Variants in SNX8 observed in about 807,000 individuals in gnomAD.
The protein encoded by SNX8 is sorting nexin 8, also known as sorting nexin-8.
SNX8 carries 25 observed loss-of-function variants against 51.6 expected under a neutral mutation model. That is an observed-to-expected ratio of 0.48 (90% CI 0.35 to 0.68). The LOEUF is 0.68. Ranked by LOEUF, SNX8 falls within the 30% of genes least tolerant of loss-of-function variation. SNX8 has a pLI of 0.00. For synonymous variants in SNX8, 324 were observed against 277.0 expected (o/e 1.17, Z -1.68); for missense variants, 695 against 624.0 (o/e 1.11, Z -1.21).
At chr7:2,290,251 A>C (rs1278491346) in intron 1 of SNX8, among the ~76,000 whole-genome samples, 1 of 152,168 alleles carries the variant, frequency 6.6e-6, no homozygotes, top group Non-Finnish European at 1.5e-5. Flanking sequence ...CTGTAATCCC[A>C]GCACTTTTGG....
intron 1 of SNX8, among the ~76,000 whole-genome samples, chr7:2,283,247 G>C (rs1795949632): frequency 6.6e-6 from 1 of 152,190 alleles, no homozygotes; most frequent in Non-Finnish European, 1.5e-5. Context: ...TGCCAGCCTC[G>C]GCGCAGGTGG....
chr7:2,310,483 C>T (rs1227862376), intron 1 of SNX8, among the ~76,000 whole-genome samples: 4 of 151,830 alleles, frequency 2.6e-5, no homozygotes, highest in African/African-American at 4.8e-5. Context: ...ATTGGCCAGG[C>T]GTGGCTGGGC....
chr7:2,346,475 C>A (rs1171386489), intron 1 of SNX8, among the ~76,000 whole-genome samples: 1 of 150,544 alleles, frequency 6.6e-6, no homozygotes, highest in Non-Finnish European at 1.5e-5. Flanking sequence ...CAGCCAGGCA[C>A]GGTGGCTCAC....
chr7:2,265,011 G>A (rs563222566), intron 5 of SNX8, among the ~76,000 whole-genome samples: 1 of 152,230 alleles, frequency 6.6e-6, no homozygotes, highest in East Asian at 1.9e-4. Flanking sequence ...CTCCAGTTTG[G>A]GCGACAGAAC....
intron 1 of SNX8, among the ~76,000 whole-genome samples, chr7:2,321,713 CTTTTTTT>C: frequency 1.1e-5 from 1 of 88,678 alleles, no homozygotes; most frequent in South Asian, 3.6e-4. Context: ...CGCGCCCGGC[CTTTTTTT>C]TTTTTTTTTT....
intron 1 of SNX8, among the ~76,000 whole-genome samples, chr7:2,339,234 C>G (rs1052314729): frequency 6.6e-5 from 10 of 151,342 alleles, no homozygotes; most frequent in Non-Finnish European, 1.0e-4. Context: ...GAGATGCAGT[C>G]TGGCCCTGTC....
upstream of SNX8, among the ~76,000 whole-genome samples, chr7:2,317,437 C>T (rs1796774967): frequency 1.3e-5 from 2 of 151,228 alleles, no homozygotes; most frequent in African/African-American, 4.8e-5. Flanking sequence ...GCCACCACAC[C>T]CAGCTAATTT....
chr7:2,278,235 C>A lies in SNX8; in HGVS notation c.165G>T (p.Gln55His). ...GCAGCAGCGGGTTCCCCTGCGGCATCTGCATTCGACTGGGGGCTGGGACCT... is the reference window on the plus strand; with the variant it reads ...GCAGCAGCGGGTTCCCCTGCGGCATATGCATTCGACTGGGGGCTGGGACCT... ...VQQVPAPSRM[Q>H]MPQGNPLLLS... The change falls in exon 2 of 11, where the codon CAG becomes CAT. Residue 55 changes from glutamine (Q) to histidine (H), a missense_variant. Transcript: ENST00000222990. The A allele has an allele frequency of 1.2e-6, 2 of 1,611,316 alleles. No individual in the cohort carries two copies. Among genetic ancestry groups the A allele is most frequent in the Non-Finnish European group, 1.7e-6 (2 of 1,178,100 alleles).
At chr7:2,258,847 T>G (rs977516118) in intron 7 of SNX8, among the ~76,000 whole-genome samples, 21 of 151,612 alleles carry the variant, frequency 1.4e-4, no homozygotes, top group African/African-American at 4.8e-4. Context: ...GGGCAGTGAG[T>G]GCACAGCAAA....
intron 1 of SNX8, among the ~76,000 whole-genome samples, chr7:2,302,431 T>C (rs13238764): frequency 0.31 from 46,414 of 151,940 alleles, 8,816 homozygotes; most frequent in East Asian, 0.59. Flanking sequence ...TGGAGTGCAG[T>C]GGTGTGATCT....
At chr7:2,316,645 T>G (rs997557139), upstream of SNX8, among the ~76,000 whole-genome samples, 1 of 151,998 alleles carries the variant, frequency 6.6e-6, no homozygotes, top group African/African-American at 2.4e-5. Context: ...ACTCACTCAC[T>G]GCATCCTGCA....
In SNX8 at chr7:2,314,406, T is replaced by G; in HGVS notation, c.16A>C (p.Met6Leu). 8.2e-7 allele frequency: 1 copy of G among 1,218,312 alleles called. No homozygotes were observed. The highest frequency in any genetic ancestry group is 2.9e-4 in the Middle Eastern group (1 of 3,460). The allele number at this position is 1,218,312 out of a possible 1,614,324, so 75.5% of individuals were successfully genotyped here. MTGRA[M>L]DPLPAAAVGA... ...ACTGCAGCCGCGGGCAGCGGGTCCA[T>G]CGCGCGGCCAGTCATGTGAGCCCGC... The change falls in exon 1 of 11, where the codon ATG becomes CTG. Residue 6 changes from methionine (M) to leucine (L), a missense_variant. Physicochemically the swap from Met to Leu is conservative, Grantham distance 15. Coordinates refer to ENST00000222990, the MANE Select transcript of SNX8 (RefSeq NM_013321.4).
At chr7:2,266,086 TA>T (rs1795456277) in intron 5 of SNX8, among the ~76,000 whole-genome samples, 1 of 152,168 alleles carries the variant, frequency 6.6e-6, no homozygotes. Flanking sequence ...CACTGCACTA[TA>T]GCCTAGAGGA....
At chr7:2,285,659 AC>A (rs1465055902) in intron 1 of SNX8, among the ~76,000 whole-genome samples, 1 of 151,450 alleles carries the variant, frequency 6.6e-6, no homozygotes, top group Non-Finnish European at 1.5e-5. Flanking sequence ...CAGGTCTCAT[AC>A]TTTCTTTTTC....
rs752202797 is a variant in SNX8, at chr7:2,278,074, C to T, written c.300+26G>A. Reference sequence around the variant, plus strand: ...TGACCCTTTCTTCCCCCTCCTGCCCCGACACACACACAATTTGCCAGTTAC... The same window carrying T: ...TGACCCTTTCTTCCCCCTCCTGCCCTGACACACACACAATTTGCCAGTTAC... On this transcript the variant is annotated intron_variant, in intron 2 of 10. Coordinates refer to ENST00000222990, the MANE Select transcript of SNX8 (RefSeq NM_013321.4). 3.7e-6 allele frequency: 6 copies of T among 1,606,952 alleles called. 1 individual carries two copies. In the South Asian group the frequency reaches 4.4e-5, roughly 12 times the overall value.
chr7:2,332,766 GGA>G (rs1778760229), intron 1 of SNX8, among the ~76,000 whole-genome samples: 1 of 146,162 alleles, frequency 6.8e-6, no homozygotes, highest in African/African-American at 2.5e-5. Flanking sequence ...AAGGAAGGAA[GGA>G]AGGAGGGAAG....
chr7:2,310,766 G>A (rs979242847), intron 1 of SNX8, among the ~76,000 whole-genome samples: 5 of 151,746 alleles, frequency 3.3e-5, no homozygotes, highest in Admixed American at 6.6e-5. Flanking sequence ...GTGAAACTAC[G>A]TCTCAAAAAA....
At chr7:2,345,941 G>A (rs1779014298) in intron 1 of SNX8, among the ~76,000 whole-genome samples, 1 of 151,928 alleles carries the variant, frequency 6.6e-6, no homozygotes, top group African/African-American at 2.4e-5. Flanking sequence ...CCGAGTAGCT[G>A]GGATTATAGG....
chr7:2,303,311 G>A (rs1455459406), intron 1 of SNX8, among the ~76,000 whole-genome samples: 9 of 150,082 alleles, frequency 6.0e-5, no homozygotes, highest in East Asian at 2.0e-4. Flanking sequence ...CCGGCCAGCC[G>A]CCCCGTCCGG....
Sources: allele counts gnomAD v4.1 joint callset (sites outside exome capture counted in the v4.1 genomes callset), GRCh38; gene constraint gnomAD v4.1.1; transcripts MANE v1.5; gene names NCBI Gene and HGNC (gene_info 2026-07-23, HGNC 2026-07-21).